Variants in USP32 observed in about 807,000 individuals in gnomAD.
USP32 encodes ubiquitin carboxyl-terminal hydrolase 32.
A neutral mutation model predicts 204.8 loss-of-function variants in USP32; 59 were observed. That is an observed-to-expected ratio of 0.29 (90% CI 0.23 to 0.36). USP32 has a LOEUF of 0.36. Ranked by LOEUF, USP32 falls within the 10% of genes least tolerant of loss-of-function variation. USP32 has a pLI of 1.00. For missense variants in USP32, 1,160 were observed against 1,946.4 expected, an observed-to-expected ratio of 0.60 and a Z score of 7.60; for synonymous variants, 517 against 678.4, an observed-to-expected ratio of 0.76 and a Z score of 3.70.
intron 1 of USP32, among the ~76,000 whole-genome samples, chr17:60,412,504 C>T (rs1458334724): frequency 6.7e-6 from 1 of 149,034 alleles, no homozygotes; most frequent in Non-Finnish European, 1.5e-5. Context: ...CACTGCACTC[C>T]AGCTTGGGTG....
chr17:60,221,893 C>T (rs905505470), intron 15 of USP32, among the ~76,000 whole-genome samples: 2 of 152,112 alleles, frequency 1.3e-5, no homozygotes, highest in South Asian at 4.1e-4. Context: ...GTGCTGTTTA[C>T]CGTGTAAGCA....
At chr17:60,190,533 C>T in intron 29 of USP32, 30 bp downstream of exon 29, 1 of 1,511,340 alleles carries the variant, frequency 6.6e-7, no homozygotes, top group Non-Finnish European at 8.8e-7. Context: ...ATATAAAAAC[C>T]ACCATTTTAT....
upstream of USP32, among the ~76,000 whole-genome samples, chr17:60,395,052 G>A (rs1346512013): frequency 6.6e-6 from 1 of 152,098 alleles, no homozygotes; most frequent in African/African-American, 2.4e-5. Flanking sequence ...GCTACAGTAG[G>A]TAATTTTAAC....
In USP32 at chr17:60,285,447, G is replaced by A. The variant is rs572220652; in HGVS notation, c.571+3076C>T. 2.2e-4 allele frequency among the ~76,000 whole-genome samples: 33 copies of A among 152,274 alleles called. No individual in the cohort carries two copies. In the East Asian group the frequency reaches 6.2e-3, roughly 28 times the overall value. ...TGTGTAATCTGTAGTCAAGTTATAT[G>A]TCATATAAAGTAATGGATACAAATA... On this transcript the variant is annotated intron_variant, in intron 5 of 33. Coordinates refer to ENST00000300896, the MANE Select transcript of USP32 (RefSeq NM_032582.4).
chr17:60,197,533 G>T (rs1034379182), intron 27 of USP32, among the ~76,000 whole-genome samples: 2 of 152,208 alleles, frequency 1.3e-5, no homozygotes, highest in African/African-American at 4.8e-5. Context: ...GAACCCAGGA[G>T]GTGGAGGCTG....
At chr17:60,413,402 GT>G (rs1033459486) in intron 1 of USP32, among the ~76,000 whole-genome samples, 2 of 152,140 alleles carry the variant, frequency 1.3e-5, no homozygotes, top group African/African-American at 4.8e-5. Context: ...ACAGGTAAGG[GT>G]TTTTAAAGGC....
chr17:60,270,496 GCT>G (rs1421796015), intron 6 of USP32, among the ~76,000 whole-genome samples: 1 of 152,132 alleles, frequency 6.6e-6, no homozygotes, highest in African/African-American at 2.4e-5. Flanking sequence ...TTTATGATGT[GCT>G]CACAATTATA....
At chr17:60,324,190 G>A (rs1245205520) in intron 2 of USP32, among the ~76,000 whole-genome samples, 1 of 151,904 alleles carries the variant, frequency 6.6e-6, no homozygotes, top group Non-Finnish European at 1.5e-5. Context: ...GCTAAAGCGG[G>A]AAGATTGGTT....
intron 2 of USP32, among the ~76,000 whole-genome samples, chr17:60,329,522 T>C (rs2088326837): frequency 1.3e-5 from 2 of 152,038 alleles, no homozygotes; most frequent in South Asian, 4.2e-4. Context: ...TTGCCCAGGC[T>C]GGCCTTGAAC....
At chr17:60,403,642 GTTTA>G (rs2089953108) in intron 1 of USP32, among the ~76,000 whole-genome samples, 1 of 151,778 alleles carries the variant, frequency 6.6e-6, no homozygotes, top group Non-Finnish European at 1.5e-5. Flanking sequence ...TATACAATGA[GTTTA>G]TTTAAGGAAA....
Position 60,236,217 on chromosome 17 carries a change from C to G in USP32, c.1160G>C (p.Arg387Thr). 6.2e-7 allele frequency: 1 copy of G among 1,613,928 alleles called. No homozygotes were observed. Among genetic ancestry groups the G allele is most frequent in the Non-Finnish European group, 8.5e-7 (1 of 1,179,880 alleles). ...GTTGTGTCCTGCTTGCAGACCATAC[C>G]TGCTCTCTCGTTCTAACCATCCTCT... ...IIRGWLERES[R>T]YGLQAGHNWF... Residue 387 changes from arginine to threonine, a missense_variant, in exon 12 of 34, where the codon AGG becomes ACG. This residue lies in a region of USP32 where 536 missense variants were observed against 680.9 expected (regional missense o/e 0.79). Coordinates refer to ENST00000300896, the MANE Select transcript of USP32 (RefSeq NM_032582.4).
intron 29 of USP32, among the ~76,000 whole-genome samples, chr17:60,189,830 G>A (rs1479273035): frequency 6.6e-6 from 1 of 152,154 alleles, no homozygotes; most frequent in African/African-American, 2.4e-5. Flanking sequence ...GTTACCAAAT[G>A]CTGCAACTTC....
At chr17:60,329,989 C>T (rs1321325601) in intron 2 of USP32, among the ~76,000 whole-genome samples, 1 of 152,212 alleles carries the variant, frequency 6.6e-6, no homozygotes, top group African/African-American at 2.4e-5. Flanking sequence ...TAGCTTCACA[C>T]TGGTTTAAAA....
At chr17:60,357,476 T>C (rs573265048) in intron 1 of USP32, among the ~76,000 whole-genome samples, 9 of 151,668 alleles carry the variant, frequency 5.9e-5, no homozygotes, top group Non-Finnish European at 1.0e-4. Context: ...TAAATATATA[T>C]ATGATATGTA....
At chr17:60,389,996 A>G (rs975474423) in intron 1 of USP32, among the ~76,000 whole-genome samples, 3 of 152,090 alleles carry the variant, frequency 2.0e-5, no homozygotes, top group Admixed American at 6.5e-5. Flanking sequence ...CAGCCTGGGC[A>G]ACAGAGCAAG....
intron 1 of USP32, among the ~76,000 whole-genome samples, chr17:60,373,968 T>C (rs906974587): frequency 2.0e-5 from 3 of 152,128 alleles, no homozygotes; most frequent in African/African-American, 7.2e-5. Context: ...GCGTATCACC[T>C]GAGGTCAGGA....
In USP32 at chr17:60,266,656, T is replaced by A. The variant is rs1411524946; in HGVS notation, c.812-565A>T. 9.3e-5 allele frequency among the ~76,000 whole-genome samples: 10 copies of A among 107,294 alleles called. No individual in the cohort carries two copies. In the East Asian group the frequency reaches 2.3e-3, roughly 25 times the overall value. The allele number at this position is 107,294 out of a possible 152,430, so 70.4% of individuals were successfully genotyped here. On this transcript the variant is annotated intron_variant, in intron 7 of 33. Transcript: ENST00000300896. ...GGAGCACACCACAACACCCAGGTAA[T>A]TTTTTTTTTTTTTTTTTGAGATGGA...
At chr17:60,197,464 C>G (rs1304067523) in intron 27 of USP32, among the ~76,000 whole-genome samples, 2 of 152,014 alleles carry the variant, frequency 1.3e-5, no homozygotes, top group East Asian at 3.9e-4. Flanking sequence ...ATTAGCCAGG[C>G]ATGGTGGTGC....
At chr17:60,386,924 T>C (rs1372461983) in intron 1 of USP32, among the ~76,000 whole-genome samples, 2 of 152,228 alleles carry the variant, frequency 1.3e-5, no homozygotes, top group Admixed American at 1.3e-4. Context: ...GGTGACTACA[T>C]ATAAGCAGAC....
Sources: allele counts gnomAD v4.1 joint callset (sites outside exome capture counted in the v4.1 genomes callset), GRCh38; gene constraint gnomAD v4.1.1; regional missense constraint gnomAD v4.1.1; transcripts MANE v1.5; gene names NCBI Gene and HGNC (gene_info 2026-07-23, HGNC 2026-07-21).